DENND4C: variants seen among roughly 807,000 people sequenced by gnomAD.
DENND4C encodes DENN domain-containing protein 4C.
In DENND4C, 108 loss-of-function variants were observed where a neutral mutation model predicts 203.0. The ratio of observed to expected loss-of-function variants is 0.53; its 90% CI spans 0.46 to 0.62. DENND4C has a LOEUF of 0.62. Ranked by LOEUF, DENND4C falls within the 20% of genes least tolerant of loss-of-function variation. The probability of loss-of-function intolerance (pLI) is 0.00; values close to 1 mark genes in which losing one functional copy is unlikely to be tolerated. For missense variants in DENND4C, 2,481 were observed against 2,301.2 expected (o/e 1.08, Z -1.60); for synonymous variants, 871 against 792.4 (o/e 1.10, Z -1.67).
intron 2 of DENND4C, among the ~76,000 whole-genome samples, chr9:19,278,425 G>C (rs559582759): frequency 3.9e-5 from 6 of 152,140 alleles, no homozygotes; most frequent in Admixed American, 1.3e-4. Context: ...TACCACACCT[G>C]GCCACTGATT....
rs547985275 is a variant in DENND4C, at chr9:19,353,769, C to T, written c.4781+1104C>T. ...GCAACATGGCAAAACCCCATCTCTACAAAAAAATACAAAAAAGGTTAGCCC... is the reference window on the plus strand; with the variant it reads ...GCAACATGGCAAAACCCCATCTCTATAAAAAAATACAAAAAAGGTTAGCCC... On this transcript the variant is annotated intron_variant, in intron 26 of 32. Coordinates refer to ENST00000434457, the MANE Select transcript of DENND4C (RefSeq NM_001330640.2). Among the ~76,000 whole-genome samples, 16 of 152,106 alleles carry T rather than the reference C, an allele frequency of 1.1e-4. No individual in the cohort carries two copies. The East Asian group carries it at 2.9e-3, about 28-fold the overall frequency.
intron 2 of DENND4C, among the ~76,000 whole-genome samples, chr9:19,286,023 T>G (rs1835145515): frequency 6.6e-6 from 1 of 152,198 alleles, no homozygotes; most frequent in African/African-American, 2.4e-5. Flanking sequence ...CAGATTGCTT[T>G]GACAAGAAAA....
chr9:19,362,655 C>G (rs1803667251), intron 30 of DENND4C, among the ~76,000 whole-genome samples: 1 of 151,646 alleles, frequency 6.6e-6, no homozygotes, highest in Non-Finnish European at 1.5e-5. Context: ...GGTGATTTTT[C>G]TATCAAGTAA....
chr9:19,287,624 G>A (rs1321050413), intron 3 of DENND4C, among the ~76,000 whole-genome samples: 1 of 152,116 alleles, frequency 6.6e-6, no homozygotes, highest in Non-Finnish European at 1.5e-5. Flanking sequence ...TGGAATTACA[G>A]GCGTGAGCCA....
At position 19,277,365 on chromosome 9, in the gene DENND4C, C is replaced by T. The variant is rs1053724730; in HGVS notation, c.305+886C>T. Among the ~76,000 whole-genome samples, 23 of 152,184 alleles carry T rather than the reference C, an allele frequency of 1.5e-4. 1 individual carries two copies. The East Asian group carries it at 4.2e-3, about 28-fold the overall frequency. Reference sequence around the variant, plus strand: ...GGTTTAGGTCTTCTTTAATTTCTTTCAGCAACATTGTGTATTTTTTAAATC... The same window carrying T: ...GGTTTAGGTCTTCTTTAATTTCTTTTAGCAACATTGTGTATTTTTTAAATC... On this transcript the variant is annotated intron_variant, in intron 2 of 32. Coordinates refer to ENST00000434457, the MANE Select transcript of DENND4C (RefSeq NM_001330640.2).
intron 16 of DENND4C, among the ~76,000 whole-genome samples, chr9:19,330,400 C>T (rs889077693): frequency 3.6e-5 from 5 of 139,232 alleles, no homozygotes; most frequent in African/African-American, 1.1e-4. Flanking sequence ...AGTGCAGTGG[C>T]ACGATTTCGG....
At chr9:19,323,292 T>C (rs1843194614) in intron 12 of DENND4C, among the ~76,000 whole-genome samples, 1 of 152,070 alleles carries the variant, frequency 6.6e-6, no homozygotes, top group South Asian at 2.1e-4. Flanking sequence ...TAGCCAGTCG[T>C]GGTGATGGGC....
intron 1 of DENND4C, among the ~76,000 whole-genome samples, chr9:19,251,638 A>G (rs780604704): frequency 7.2e-5 from 11 of 152,222 alleles, no homozygotes; most frequent in African/African-American, 1.4e-4. Context: ...AGAGCACCCA[A>G]GTCACTTCTT....
chr9:19,295,398 G>A (rs529687894), intron 5 of DENND4C, among the ~76,000 whole-genome samples: 2 of 152,232 alleles, frequency 1.3e-5, no homozygotes, highest in African/African-American at 4.8e-5. Flanking sequence ...CCAGTTACTT[G>A]GGAGGCTGAG....
At chr9:19,295,908 G>A in intron 5 of DENND4C, 100 bp from the exon 6 acceptor site, 1 of 890,396 alleles carries the variant, frequency 1.1e-6, no homozygotes. Context: ...ATCTGTATAA[G>A]TGTACTCCAA....
intron 6 of DENND4C, 105 bp from the exon 7 acceptor site, chr9:19,297,951 C>A (rs1643133828): frequency 1.2e-6 from 1 of 831,700 alleles, no homozygotes; most frequent in South Asian, 2.2e-5. Flanking sequence ...AGATAAATGG[C>A]CATGTCATAT....
chr9:19,236,093 A>T (rs1821902318), intron 1 of DENND4C, among the ~76,000 whole-genome samples: 1 of 150,642 alleles, frequency 6.6e-6, no homozygotes, highest in Non-Finnish European at 1.5e-5. Flanking sequence ...TAATTTAGGG[A>T]TTCTTAGATC....
chr9:19,362,107 C>G, intron 30 of DENND4C, 144 bp downstream of exon 30: 1 of 517,494 alleles, frequency 1.9e-6, no homozygotes, highest in Non-Finnish European at 3.4e-6. Flanking sequence ...AATCCTGTCT[C>G]TATTAAAAAT....
intron 10 of DENND4C, among the ~76,000 whole-genome samples, chr9:19,313,442 C>G (rs572454569): frequency 1.9e-4 from 29 of 152,226 alleles, no homozygotes; most frequent in African/African-American, 6.0e-4. Flanking sequence ...CAAACTCACA[C>G]AGATAGTAAA....
rs930707162 is a variant in DENND4C at position 19,336,761 on chromosome 9, A to G, written c.2810A>G (p.Asn937Ser). ...AGTGTGGATAGTTCTAATGATGCTA[A>G]CAATGGGGAGCACACAGTCTTCGTC... is the stretch of plus-strand genomic sequence containing the variant. Reference protein sequence around the residue: ...HGSVDSSNDANNGEHTVFVRD... With the variant: ...HGSVDSSNDASNGEHTVFVRD... The change falls in exon 20 of 33, where the codon AAC becomes AGC. Residue 937 changes from asparagine (N) to serine (S), a missense_variant. Physicochemically the swap from Asn to Ser is conservative, Grantham distance 46 (BLOSUM62 1). This residue lies in a region of DENND4C where 2,289 missense variants were observed against 2,113.3 expected (regional missense o/e 1.08). Coordinates refer to ENST00000434457, the MANE Select transcript of DENND4C (RefSeq NM_001330640.2). The G allele has an allele frequency of 6.4e-7, 1 of 1,551,028 alleles. No individual in the cohort carries two copies. Among genetic ancestry groups the G allele is most frequent in the Non-Finnish European group, 8.7e-7 (1 of 1,147,062 alleles).
chr9:19,356,853 TG>T, intron 26 of DENND4C, 118 bp from the exon 27 acceptor site: 1 of 969,780 alleles, frequency 1.0e-6, no homozygotes, highest in Non-Finnish European at 1.5e-6. Flanking sequence ...GTTTTCCTTC[TG>T]GATTATATAT....
chr9:19,235,845 G>A (rs13290955), intron 1 of DENND4C, among the ~76,000 whole-genome samples: 11,731 of 151,958 alleles, frequency 0.077, 552 homozygotes, highest in South Asian at 0.16. Context: ...TGATCCGCCC[G>A]CCTTGGCCTT....
intron 9 of DENND4C, among the ~76,000 whole-genome samples, 165 bp downstream of exon 9, chr9:19,300,496 G>A (rs1838335828): frequency 6.6e-6 from 1 of 152,182 alleles, no homozygotes; most frequent in African/African-American, 2.4e-5. Context: ...TGCTGGCAAA[G>A]AGAAGTAGGA....
intron 1 of DENND4C, among the ~76,000 whole-genome samples, chr9:19,257,868 TC>T (rs1828372864): frequency 1.3e-5 from 2 of 152,094 alleles, no homozygotes; most frequent in Admixed American, 1.3e-4. Flanking sequence ...GGTGGCTCAT[TC>T]CTGTAATCCC....
Sources: allele counts gnomAD v4.1 joint callset (sites outside exome capture counted in the v4.1 genomes callset), GRCh38; gene constraint gnomAD v4.1.1; regional missense constraint gnomAD v4.1.1; transcripts MANE v1.5; gene names NCBI Gene and HGNC (gene_info 2026-07-23, HGNC 2026-07-21).